The following ALCAM variants were observed in gnomAD, a reference collection of about 807,000 sequenced individuals.
ALCAM encodes the protein CD166 antigen.
ALCAM carries 30 observed loss-of-function variants against 70.9 expected under a neutral mutation model. The observed-to-expected ratio is 0.42, with a 90% CI of 0.32 to 0.57. ALCAM has a LOEUF of 0.57. ALCAM is among the 20% of genes least tolerant of loss of function. The pLI, the probability that ALCAM is intolerant of heterozygous loss-of-function variation, is 0.11. For missense variants in ALCAM, 591 were observed against 695.1 expected, an observed-to-expected ratio of 0.85 and a Z score of 1.68; for synonymous variants, 249 against 242.5, an observed-to-expected ratio of 1.03 and a Z score of -0.25.
At chr3:105,444,445 C>A (rs1017786416) in intron 1 of ALCAM, among the ~76,000 whole-genome samples, 1 of 152,040 alleles carries the variant, frequency 6.6e-6, no homozygotes, top group South Asian at 2.1e-4. Flanking sequence ...TGGGAGAAAC[C>A]ACCCCCATGA....
chr3:105,541,782 T>TTAAG lies in ALCAM; in HGVS notation c.991+18_991+19insAAGT, dbSNP rs1940123652. The TTAAG allele has an allele frequency of 6.2e-7, 1 of 1,611,026 alleles. No homozygotes were observed. The highest frequency in any genetic ancestry group is 2.2e-5 in the East Asian group (1 of 44,818). ...CAGTTCACTGTAAGTCACCTACTTC[T>TTAAG]TCATCAGCAGCTTCACCTCAAAGGC... On this transcript the variant is annotated intron_variant, in intron 8 of 15. Transcript: ENST00000306107.
At chr3:105,382,528 A>G (rs1034660208) in intron 1 of ALCAM, among the ~76,000 whole-genome samples, 3 of 152,032 alleles carry the variant, frequency 2.0e-5, no homozygotes, top group Non-Finnish European at 2.9e-5. Context: ...GACTTCCACA[A>G]TGGTTGAACT....
chr3:105,388,711 C>T (rs551453145), intron 1 of ALCAM, among the ~76,000 whole-genome samples: 1 of 151,514 alleles, frequency 6.6e-6, no homozygotes, highest in East Asian at 1.9e-4. Context: ...TCTAGGAAAA[C>T]TTATTAGGGT....
chr3:105,481,779 T>A (rs1021434126), intron 1 of ALCAM, among the ~76,000 whole-genome samples: 4 of 152,152 alleles, frequency 2.6e-5, no homozygotes, highest in Non-Finnish European at 4.4e-5. Flanking sequence ...TAATTTTTTT[T>A]AAAGTTATGT....
At chr3:105,369,376 G>A (rs1935165390) in intron 1 of ALCAM, among the ~76,000 whole-genome samples, 1 of 152,166 alleles carries the variant, frequency 6.6e-6, no homozygotes, top group Non-Finnish European at 1.5e-5. Flanking sequence ...CGAGCTGCGC[G>A]CTTTCGGCGA....
At chr3:105,561,586 A>G (rs1940631986) in intron 14 of ALCAM, among the ~76,000 whole-genome samples, 1 of 151,898 alleles carries the variant, frequency 6.6e-6, no homozygotes, top group Non-Finnish European at 1.5e-5. Flanking sequence ...AAGAATTCTG[A>G]CTCCACCTGC....
chr3:105,459,058 C>G (rs559913205), intron 1 of ALCAM, among the ~76,000 whole-genome samples: 1 of 152,094 alleles, frequency 6.6e-6, no homozygotes, highest in Non-Finnish European at 1.5e-5. Flanking sequence ...ACAACACATG[C>G]GAAATCTTTC....
chr3:105,367,122 CAA>C lies in ALCAM; in HGVS notation c.-286_-285del, dbSNP rs1935076838. The stretch of plus-strand genomic sequence containing the variant: ...ACCGCTTACACCTTTCCGAATTACT[CAA>C]GTGTCTCCTGGAAACAGAGGGTCGT... On this transcript the variant is annotated 5_prime_UTR_variant, in exon 1 of 16. Coordinates refer to ENST00000306107, the MANE Select transcript of ALCAM (RefSeq NM_001627.4). The C allele has an allele frequency of 2.2e-6, 1 of 446,148 alleles. No homozygotes were observed. The highest frequency in any genetic ancestry group is 2.5e-5 in the South Asian group (1 of 39,846). 27.6% of individuals were successfully genotyped at this position (446,148 alleles called of 1,614,324 possible).
chr3:105,530,059 T>A (rs889550113), intron 3 of ALCAM, among the ~76,000 whole-genome samples: 1 of 152,100 alleles, frequency 6.6e-6, no homozygotes, highest in Non-Finnish European at 1.5e-5. Context: ...ACCTTTTTTT[T>A]CTGTTCATTT....
At chr3:105,443,866 A>G (rs1433627605) in intron 1 of ALCAM, among the ~76,000 whole-genome samples, 3 of 152,130 alleles carry the variant, frequency 2.0e-5, no homozygotes, top group East Asian at 1.9e-4. Context: ...CTTTCATTCA[A>G]TCCACACCCA....
intron 8 of ALCAM, among the ~76,000 whole-genome samples, chr3:105,543,161 G>A (rs79561068): frequency 0.01 from 1,526 of 151,650 alleles, 17 homozygotes; most frequent in Middle Eastern, 0.027. Flanking sequence ...AAAAGAAAAG[G>A]GCTCTTATTT....
At chr3:105,435,505 G>A (rs879758665) in intron 1 of ALCAM, among the ~76,000 whole-genome samples, 21 of 152,228 alleles carry the variant, frequency 1.4e-4, no homozygotes, top group Admixed American at 1.4e-3. Context: ...TCTTTATAGG[G>A]CCATAAGTAA....
intron 1 of ALCAM, among the ~76,000 whole-genome samples, chr3:105,446,026 TAA>T (rs1047062222): frequency 6.6e-6 from 1 of 152,074 alleles, no homozygotes; most frequent in Admixed American, 6.5e-5. Context: ...GGAAACACTC[TAA>T]AGAGTGAAAA....
Position 105,541,640 on chromosome 3 carries a change from C to T in ALCAM, c.866C>T (p.Pro289Leu). The T allele has an allele frequency of 6.2e-7, 1 of 1,611,540 alleles. No individual in the cohort carries two copies. Among genetic ancestry groups the T allele is most frequent in the Non-Finnish European group, 8.5e-7 (1 of 1,178,502 alleles). Reference protein sequence around the residue: ...EEFLFYLPGQPEGIRSSNTYT... With the variant: ...EEFLFYLPGQLEGIRSSNTYT... ...TTTTGCCTCTATCAAAAGGGACAGC[C>T]CGAAGGAATAAGAAGCTCAAATACT... The change falls in exon 8 of 16, where the codon CCC (proline) becomes CTC (leucine). Residue 289 changes from proline to leucine, a missense_variant. Pro to Leu is a moderately conservative substitution (Grantham distance 98, BLOSUM62 -3). Coordinates refer to ENST00000306107, the MANE Select transcript of ALCAM (RefSeq NM_001627.4).
At chr3:105,377,836 T>G (rs1223366394) in intron 1 of ALCAM, among the ~76,000 whole-genome samples, 2 of 152,018 alleles carry the variant, frequency 1.3e-5, no homozygotes, top group East Asian at 1.9e-4. Flanking sequence ...ATAAGTGAAT[T>G]TAATACTGCT....
intron 1 of ALCAM, among the ~76,000 whole-genome samples, chr3:105,448,302 G>A (rs1937343228): frequency 6.6e-6 from 1 of 151,470 alleles, no homozygotes; most frequent in Non-Finnish European, 1.5e-5. Flanking sequence ...ACCTACTGTA[G>A]TAACTGATCT....
intron 1 of ALCAM, among the ~76,000 whole-genome samples, chr3:105,432,556 T>A (rs1481584771): frequency 6.6e-6 from 1 of 152,108 alleles, no homozygotes; most frequent in Non-Finnish European, 1.5e-5. Context: ...TTTGTTTTTT[T>A]AATCTCTCTG....
intron 3 of ALCAM, chr3:105,524,974 G>C: frequency 1.0e-6 from 1 of 982,012 alleles, no homozygotes; most frequent in Non-Finnish European, 1.2e-6. Flanking sequence ...TATTTTAACA[G>C]AGGTATAAAT....
At chr3:105,430,755 C>T (rs115585351) in intron 1 of ALCAM, among the ~76,000 whole-genome samples, 4,326 of 152,122 alleles carry the variant, frequency 0.028, 168 homozygotes, top group African/African-American at 0.084. Context: ...ATTTATCCTC[C>T]ACCCTTTTGA....
Sources: gnomAD v4.1 joint callset for allele counts (sites outside exome capture counted in the v4.1 genomes callset) on GRCh38, gnomAD v4.1.1 for gene constraint, MANE v1.5 for transcripts, NCBI Gene and HGNC (gene_info 2026-07-23, HGNC 2026-07-21) for gene names.